PCYT1A: variants seen among roughly 807,000 people sequenced by gnomAD.
The protein encoded by PCYT1A is phosphate cytidylyltransferase 1A, choline, also known as choline-phosphate cytidylyltransferase A.
PCYT1A carries 25 observed loss-of-function variants against 43.7 expected under a neutral mutation model. The observed-to-expected ratio is 0.57, with a 90% CI of 0.42 to 0.80. PCYT1A has a LOEUF of 0.80. PCYT1A is among the 30% of genes least tolerant of loss of function. PCYT1A has a pLI of 0.00. For missense variants in PCYT1A, 421 were observed against 474.2 expected (o/e 0.89, Z 1.04); for synonymous variants, 172 against 170.7 (o/e 1.01, Z -0.06).
At chr3:196,261,696 A>G (rs1437827691) in intron 2 of PCYT1A, among the ~76,000 whole-genome samples, 2 of 151,960 alleles carry the variant, frequency 1.3e-5, no homozygotes, top group African/African-American at 4.8e-5. Context: ...AGGCTGAGGC[A>G]GGAGAATTGC....
rs1268849931 is a variant in PCYT1A, at chr3:196,282,278, C to T, written c.-11+5337G>A. ...GTAGAATATTTCAGGAAAGAAAAAACCATGAGGGACACATGTAATAGTTCT... is the reference window on the plus strand; with the variant it reads ...GTAGAATATTTCAGGAAAGAAAAAATCATGAGGGACACATGTAATAGTTCT... On this transcript the variant is annotated intron_variant, in intron 1 of 8. Coordinates refer to ENST00000431016, the MANE Select transcript of PCYT1A (RefSeq NM_001312673.2). This position sits in a 1 kb window ranked among gnomAD's most constrained non-coding sequence, Gnocchi z 4.3. Among the ~76,000 whole-genome samples the T allele has an allele frequency of 1.3e-5, 2 of 152,302 alleles. No homozygotes were observed. The highest frequency in any genetic ancestry group is 6.8e-3 in the Middle Eastern group (2 of 294).
intron 5 of PCYT1A, among the ~76,000 whole-genome samples, chr3:196,243,679 G>A (rs1407676396): frequency 3.3e-5 from 5 of 152,364 alleles, no homozygotes; most frequent in Non-Finnish European, 7.3e-5. Context: ...CATTGCAGGC[G>A]CACGCCGCCA....
chr3:196,244,422 C>T (rs564164994), intron 5 of PCYT1A, among the ~76,000 whole-genome samples: 7 of 151,136 alleles, frequency 4.6e-5, no homozygotes, highest in Non-Finnish European at 8.9e-5. Context: ...CCCGCCGCCC[C>T]GTTTGGGATG....
In PCYT1A at chr3:196,277,600, G is replaced by A. The variant is rs1306011684; in HGVS notation, c.-10-7059C>T. Among the ~76,000 whole-genome samples the A allele has an allele frequency of 6.6e-6, 1 of 152,194 alleles. No homozygotes were observed. Among genetic ancestry groups the A allele is most frequent in the Non-Finnish European group, 1.5e-5 (1 of 68,038 alleles). ...AAACTTTTACTCTGGGCTGGGCGCG[G>A]TGGCTCATGCCTGTAATCCCAGCAC... On this transcript the variant is annotated intron_variant, in intron 1 of 8. Transcript: ENST00000431016. The surrounding 1 kb of genome is among the most constrained non-coding windows in gnomAD (Gnocchi z 4.1).
intron 2 of PCYT1A, among the ~76,000 whole-genome samples, chr3:196,264,396 A>T (rs568080955): frequency 9.9e-5 from 15 of 152,214 alleles, no homozygotes; most frequent in African/African-American, 3.1e-4. Flanking sequence ...AGCCGATTTT[A>T]CCTTCTAGAA....
chr3:196,242,592 C>A lies in PCYT1A; in HGVS notation c.535G>T (p.Asp179Tyr). 6.2e-7 allele frequency: 1 copy of A among 1,612,402 alleles called. No individual in the cohort carries two copies. The highest frequency in any genetic ancestry group is 8.5e-7 in the Non-Finnish European group (1 of 1,178,402). ...DDIPYSSAGS[D>Y]DVYKHIKEAG... ...TCCTTGATGTGCTTATAAACATCAT[C>A]ACTGCCAGCAGATGAATAAGGAATA... Residue 179 changes from aspartate to tyrosine, a missense_variant, in exon 6 of 9, where the codon GAT (aspartate) becomes TAT (tyrosine). By Grantham distance (160) the Asp-to-Tyr change is radical (BLOSUM62 -3). Transcript: ENST00000431016. This position sits in a 1 kb window ranked among gnomAD's most constrained non-coding sequence, Gnocchi z 4.2.
At position 196,238,491 on chromosome 3, in the gene PCYT1A, C is replaced by T; in HGVS notation, c.*197G>A. 1 of 417,416 alleles carries T rather than the reference C, an allele frequency of 2.4e-6. No homozygotes were observed. The highest frequency in any genetic ancestry group is 4.4e-5 in the Admixed American group (1 of 22,622). The allele number at this position is 417,416 out of a possible 1,614,324, so 25.9% of individuals were successfully genotyped here. On this transcript the variant is annotated 3_prime_UTR_variant, in exon 9 of 9. Coordinates refer to ENST00000431016, the MANE Select transcript of PCYT1A (RefSeq NM_001312673.2). Reference sequence around the variant, plus strand: ...GAGCAGGCTTCTAAGGTGCAGTCCCCCTCCTTCGTGTGGGTGAGTGATGTC... The same window carrying T: ...GAGCAGGCTTCTAAGGTGCAGTCCCTCTCCTTCGTGTGGGTGAGTGATGTC...
chr3:196,239,917 C>T, intron 7 of PCYT1A, 182 bp from the exon 8 acceptor site: 1 of 567,922 alleles, frequency 1.8e-6, no homozygotes, highest in Non-Finnish European at 3.1e-6. Context: ...GATGCACACA[C>T]AAGAAGTGGT....
intron 1 of PCYT1A, among the ~76,000 whole-genome samples, chr3:196,272,520 T>G (rs374309015): frequency 1.1e-3 from 168 of 152,308 alleles, no homozygotes; most frequent in African/African-American, 4.0e-3. Context: ...GGTTTTGTCA[T>G]GTTGGCCAGG....
Position 196,277,612 on chromosome 3 carries a change from T to C in PCYT1A, c.-10-7071A>G, listed in dbSNP as rs777385978. Among the ~76,000 whole-genome samples the C allele has an allele frequency of 2.0e-5, 3 of 152,256 alleles. No individual in the cohort carries two copies. The highest frequency in any genetic ancestry group is 2.9e-5 in the Non-Finnish European group (2 of 68,036). ...TGGGCTGGGCGCGGTGGCTCATGCCTGTAATCCCAGCACTTTGGGAGACCA... is the reference window on the plus strand; with the variant it reads ...TGGGCTGGGCGCGGTGGCTCATGCCCGTAATCCCAGCACTTTGGGAGACCA... On this transcript the variant is annotated intron_variant, in intron 1 of 8. Coordinates refer to ENST00000431016, the MANE Select transcript of PCYT1A (RefSeq NM_001312673.2). The surrounding 1 kb of genome is among the most constrained non-coding windows in gnomAD (Gnocchi z 4.1).
chr3:196,277,749 T>C lies in PCYT1A; in HGVS notation c.-10-7208A>G, dbSNP rs941674451. 6.6e-6 allele frequency among the ~76,000 whole-genome samples: 1 copy of C among 152,164 alleles called. No homozygotes were observed. Among genetic ancestry groups the C allele is most frequent in the African/African-American group, 2.4e-5 (1 of 41,442 alleles). On this transcript the variant is annotated intron_variant, in intron 1 of 8. Transcript: ENST00000431016. This position sits in a 1 kb window ranked among gnomAD's most constrained non-coding sequence, Gnocchi z 4.1. ...AGCTGAGCGTGGTGGCATGCACCTG[T>C]AATCCCAGCTACTTGGGAGGCTAAG...
chr3:196,237,924 C>T lies in PCYT1A; in HGVS notation c.*764G>A, dbSNP rs1291916760. 6.6e-6 allele frequency: 1 copy of T among 152,216 alleles called. No homozygotes were observed. Among genetic ancestry groups the T allele is most frequent in the Non-Finnish European group, 1.5e-5 (1 of 68,050 alleles). 9.4% of individuals were successfully genotyped at this position (152,216 alleles called of 1,614,324 possible). ...GGCACGAAAGAGACTGACAAAAGCT[C>T]CCAAAGAACTGGGTCACAGAGTTTT... On this transcript the variant is annotated 3_prime_UTR_variant, in exon 9 of 9. Transcript: ENST00000431016.
chr3:196,242,846 CAGCT>C lies in PCYT1A; in HGVS notation c.487-210_487-207del. The C allele has an allele frequency of 3.4e-6, 2 of 590,534 alleles. No individual in the cohort carries two copies. Among genetic ancestry groups the C allele is most frequent in the Middle Eastern group, 4.7e-4 (1 of 2,148 alleles). The allele number at this position is 590,534 out of a possible 1,614,324, so 36.6% of individuals were successfully genotyped here. On this transcript the variant is annotated intron_variant, in intron 5 of 8. Coordinates refer to ENST00000431016, the MANE Select transcript of PCYT1A (RefSeq NM_001312673.2). The surrounding 1 kb of genome is among the most constrained non-coding windows in gnomAD (Gnocchi z 4.2). ...TATGGAGTATACATATGAAGTTAGCCAGCTGCTTTTGTAGCTATTTCTCCTAGTC... is the reference window on the plus strand; with the variant it reads ...TATGGAGTATACATATGAAGTTAGCCGCTTTTGTAGCTATTTCTCCTAGTC...
rs1725570571 is a variant in PCYT1A at position 196,275,817 on chromosome 3, G to T, written c.-10-5276C>A. ...GGTGACTATAATAAATAATAATGCAGCCAGGCACGGTGGCTCACACCTGTA... is the reference window on the plus strand; with the variant it reads ...GGTGACTATAATAAATAATAATGCATCCAGGCACGGTGGCTCACACCTGTA... On this transcript the variant is annotated intron_variant, in intron 1 of 8. Transcript: ENST00000431016. Among the ~76,000 whole-genome samples, 5 of 151,982 alleles carry T rather than the reference G, an allele frequency of 3.3e-5. No homozygotes were observed. In the South Asian group the frequency reaches 1.0e-3, roughly 31 times the overall value.
chr3:196,272,351 A>T (rs1048080186), intron 1 of PCYT1A, among the ~76,000 whole-genome samples: 19 of 152,074 alleles, frequency 1.2e-4, no homozygotes, highest in Non-Finnish European at 2.5e-4. Flanking sequence ...CGCCTGGCTA[A>T]TTTTTTGTAT....
intron 5 of PCYT1A, among the ~76,000 whole-genome samples, chr3:196,245,170 C>T (rs566924598): frequency 7.5e-5 from 11 of 147,180 alleles, no homozygotes; most frequent in Non-Finnish European, 1.2e-4. Flanking sequence ...GAGACCGAGT[C>T]TCGCTCTGTC....
intron 1 of PCYT1A, among the ~76,000 whole-genome samples, chr3:196,281,452 A>C (rs952386545): frequency 3.3e-5 from 5 of 152,220 alleles, no homozygotes; most frequent in African/African-American, 1.2e-4. Context: ...CTGGCCAAAG[A>C]TGGCCCACTA....
Position 196,238,440 on chromosome 3 carries a change from C to A in PCYT1A, c.*248G>T, listed in dbSNP as rs1038165549. ...CGTGAACATAAACAGTGAAACAAAG[C>A]CCTTGGGGGGGGGTAAATGGATGCA... is the stretch of plus-strand genomic sequence containing the variant. On this transcript the variant is annotated 3_prime_UTR_variant, in exon 9 of 9. Transcript: ENST00000431016. 5.8e-6 allele frequency: 2 copies of A among 344,314 alleles called. No homozygotes were observed. The highest frequency in any genetic ancestry group is 2.9e-4 in the South Asian group (2 of 6,884). 21.3% of individuals were successfully genotyped at this position (344,314 alleles called of 1,614,324 possible).
intron 1 of PCYT1A, among the ~76,000 whole-genome samples, chr3:196,279,826 CTTT>C (rs397723929): frequency 5.9e-5 from 3 of 50,946 alleles, no homozygotes; most frequent in Admixed American, 2.9e-4. Context: ...CCAGTCCTTT[CTTT>C]TTTTTTTTTT....
Sources: allele counts gnomAD v4.1 joint callset (sites outside exome capture counted in the v4.1 genomes callset), GRCh38; gene constraint gnomAD v4.1.1; non-coding constraint Gnocchi (gnomAD v3.1); transcripts MANE v1.5; gene names NCBI Gene and HGNC (gene_info 2026-07-23, HGNC 2026-07-21).